RNF150: variants seen among roughly 807,000 people sequenced by gnomAD.
RNF150 encodes ring finger protein 150.
RNF150 carries 24 observed loss-of-function variants against 39.3 expected under a neutral mutation model. The observed-to-expected ratio is 0.61, with a 90% CI of 0.44 to 0.86. The LOEUF (loss-of-function observed/expected upper bound fraction) is 0.86. RNF150 is among the 40% of genes least tolerant of loss of function. The pLI is 0.00. For synonymous variants in RNF150, 255 were observed against 227.3 expected (o/e 1.12, Z -1.10); for missense variants, 502 against 587.8 (o/e 0.85, Z 1.51).
At chr4:141,003,880 G>A (rs1734765324) in intron 1 of RNF150, among the ~76,000 whole-genome samples, 1 of 152,076 alleles carries the variant, frequency 6.6e-6, no homozygotes, top group Non-Finnish European at 1.5e-5. Context: ...TGGACCATCT[G>A]AATAGTACCA....
chr4:140,889,732 G>C (rs780353627), intron 6 of RNF150, among the ~76,000 whole-genome samples: 1 of 152,126 alleles, frequency 6.6e-6, no homozygotes, highest in Non-Finnish European at 1.5e-5. Context: ...CTCCTTGATT[G>C]CCTGCCCTAA....
At chr4:141,000,038 G>GAAAAGAAGAAAAGAAGAAAAGAAGAA (rs1560679160) in intron 1 of RNF150, among the ~76,000 whole-genome samples, 6 of 54,372 alleles carry the variant, frequency 1.1e-4, no homozygotes, top group Non-Finnish European at 2.9e-4. Flanking sequence ...AGAAGAAGAA[G>GAAAAGAAGAAAAGAAGAAAAGAAGAA]AAGAAGAAGA....
chr4:141,141,011 T>C (rs1036273660), intron 1 of RNF150, among the ~76,000 whole-genome samples: 5 of 152,180 alleles, frequency 3.3e-5, no homozygotes, highest in African/African-American at 1.2e-4. Context: ...TGCTTTCCTA[T>C]TGGTACTAAT....
chr4:141,190,571 A>T (rs1438790061), intron 1 of RNF150, among the ~76,000 whole-genome samples: 1 of 152,212 alleles, frequency 6.6e-6, no homozygotes, highest in Non-Finnish European at 1.5e-5. Flanking sequence ...GCTTCACATG[A>T]CAGCATAGCA....
chr4:141,048,697 T>C (rs1161069707), intron 1 of RNF150, among the ~76,000 whole-genome samples: 1 of 152,106 alleles, frequency 6.6e-6, no homozygotes, highest in East Asian at 1.9e-4. Context: ...CTGACCACTG[T>C]ACTCCAGCCT....
intron 6 of RNF150, among the ~76,000 whole-genome samples, chr4:140,881,621 A>G (rs552737202): frequency 1.3e-5 from 2 of 151,480 alleles, no homozygotes; most frequent in Non-Finnish European, 3.0e-5. Context: ...ATGCCTGTAA[A>G]CTCAGTCCTT....
intron 1 of RNF150, among the ~76,000 whole-genome samples, chr4:141,153,511 C>T (rs6857437): frequency 0.53 from 80,348 of 151,870 alleles, 21,523 homozygotes; most frequent in East Asian, 0.81. Context: ...ACTTCAAGCT[C>T]TTAGAATTGT....
intron 1 of RNF150, among the ~76,000 whole-genome samples, chr4:141,047,295 C>T (rs1736617453): frequency 6.6e-6 from 1 of 152,108 alleles, no homozygotes; most frequent in Non-Finnish European, 1.5e-5. Flanking sequence ...TGCCTTCAAC[C>T]TTTCCTACTG....
Position 140,871,000 on chromosome 4 carries a change from CTCTA to C in RNF150, c.1199-2625_1199-2622del, listed in dbSNP as rs1469401727. Among the ~76,000 whole-genome samples, 815 of 144,584 alleles carry C rather than the reference CTCTA, an allele frequency of 5.6e-3. 5 individuals carry two copies. Among genetic ancestry groups the C allele is most frequent in the African/African-American group, 0.018 (719 of 39,550 alleles). The allele number at this position is 144,584 out of a possible 152,430, so 94.9% of individuals were successfully genotyped here. On this transcript the variant is annotated intron_variant, in intron 6 of 6. Transcript: ENST00000515673. ...AAGAATTCTCTCTCTCTCTCTCTCT[CTCTA>C]TATATATATATATGTATACACACAC... is the stretch of plus-strand genomic sequence containing the variant.
At chr4:141,028,700 T>A (rs147109012) in intron 1 of RNF150, among the ~76,000 whole-genome samples, 2 of 152,334 alleles carry the variant, frequency 1.3e-5, no homozygotes, top group African/African-American at 4.8e-5. Context: ...TTTGAGGCTC[T>A]GAATGTTAGT....
At chr4:141,093,336 A>G (rs1287047932) in intron 1 of RNF150, among the ~76,000 whole-genome samples, 5 of 148,880 alleles carry the variant, frequency 3.4e-5, no homozygotes, top group Admixed American at 2.0e-4. Context: ...ACTGCACTCC[A>G]GCTGGGGCAA....
At chr4:141,128,028 C>T (rs1029744610) in intron 1 of RNF150, among the ~76,000 whole-genome samples, 5 of 152,098 alleles carry the variant, frequency 3.3e-5, no homozygotes, top group Non-Finnish European at 7.3e-5. Context: ...ACTGGAACAC[C>T]CTGTTTCAAT....
chr4:141,129,294 G>C (rs1217664105), intron 1 of RNF150, among the ~76,000 whole-genome samples: 1 of 152,206 alleles, frequency 6.6e-6, no homozygotes, highest in Non-Finnish European at 1.5e-5. Flanking sequence ...AAGGGTTTAA[G>C]TACTGACGCA....
intron 4 of RNF150, chr4:140,944,857 G>A (rs977766040): frequency 9.9e-5 from 15 of 152,140 alleles, no homozygotes; most frequent in African/African-American, 4.8e-5. Context: ...AGGAGCAAAG[G>A]CTTAATAATA....
At chr4:141,044,799 A>ACACACACACACAC (rs1560706759) in intron 1 of RNF150, among the ~76,000 whole-genome samples, 1 of 127,138 alleles carries the variant, frequency 7.9e-6, no homozygotes, top group African/African-American at 3.0e-5. Flanking sequence ...ACACACACAC[A>ACACACACACACAC]ATTCATGTGA....
At chr4:141,086,814 G>A (rs1401689932) in intron 1 of RNF150, among the ~76,000 whole-genome samples, 1 of 151,662 alleles carries the variant, frequency 6.6e-6, no homozygotes. Flanking sequence ...ACACTTCCTT[G>A]TTACAATAAT....
At chr4:140,896,687 TAAAAA>T (rs368166601) in intron 6 of RNF150, among the ~76,000 whole-genome samples, 22 of 79,298 alleles carry the variant, frequency 2.8e-4, no homozygotes, top group African/African-American at 8.8e-4. Context: ...TAGAGTATAA[TAAAAA>T]AAAAAAAACA....
At chr4:141,161,133 A>G (rs1180310945) in intron 1 of RNF150, among the ~76,000 whole-genome samples, 2 of 152,202 alleles carry the variant, frequency 1.3e-5, no homozygotes, top group Non-Finnish European at 2.9e-5. Context: ...AAGCGCTGAT[A>G]GTGATATAGA....
At chr4:140,983,865 G>A (rs1002421705) in intron 1 of RNF150, among the ~76,000 whole-genome samples, 3 of 151,094 alleles carry the variant, frequency 2.0e-5, no homozygotes, top group African/African-American at 2.4e-5. Context: ...TCAGCCTCTC[G>A]AGTAGCTGGG....
Sources: allele counts gnomAD v4.1 joint callset (sites outside exome capture counted in the v4.1 genomes callset), GRCh38; gene constraint gnomAD v4.1.1; transcripts MANE v1.5; gene names NCBI Gene and HGNC (gene_info 2026-07-23, HGNC 2026-07-21).